Variants in DPF3 observed in about 807,000 individuals in gnomAD.
DPF3 encodes the protein zinc finger protein DPF3.
A neutral mutation model predicts 56.8 loss-of-function variants in DPF3; 18 were observed. The observed-to-expected ratio is 0.32, with a 90% CI of 0.22 to 0.47. The LOEUF (loss-of-function observed/expected upper bound fraction) is 0.47, where lower values mean the gene tolerates loss of function less well. DPF3 is among the 20% of genes least tolerant of loss of function. DPF3 has a pLI of 1.00. For synonymous variants in DPF3, 188 were observed against 180.2 expected (o/e 1.04, Z -0.35); for missense variants, 403 against 488.8 (o/e 0.82, Z 1.65).
chr14:72,801,766 A>G (rs555649117), intron 1 of DPF3, among the ~76,000 whole-genome samples: 14 of 152,170 alleles, frequency 9.2e-5, no homozygotes, highest in Non-Finnish European at 1.6e-4. Context: ...ACACACTTGG[A>G]TATGCTGTCC....
At chr14:72,833,646 A>G (rs1359955202) in intron 1 of DPF3, among the ~76,000 whole-genome samples, 1 of 152,202 alleles carries the variant, frequency 6.6e-6, no homozygotes, top group African/African-American at 2.4e-5. Context: ...GTAAAGACCT[A>G]GGCCTGCTTT....
chr14:72,860,470 C>A (rs111384182), intron 1 of DPF3, among the ~76,000 whole-genome samples: 191 of 152,302 alleles, frequency 1.3e-3, no homozygotes, highest in Non-Finnish European at 2.3e-3. Flanking sequence ...TAGTCATGAG[C>A]CACCACACCC....
At chr14:72,719,738 T>A (rs1889088172) in intron 5 of DPF3, among the ~76,000 whole-genome samples, 1 of 152,164 alleles carries the variant, frequency 6.6e-6, no homozygotes, top group South Asian at 2.1e-4. Flanking sequence ...CAAGAGTTAT[T>A]CCCTTTGCTT....
chr14:72,871,347 C>T (rs1455622894), intron 1 of DPF3, among the ~76,000 whole-genome samples: 1 of 152,184 alleles, frequency 6.6e-6, no homozygotes, highest in Admixed American at 6.5e-5. Context: ...TCAGCATTAA[C>T]CCAAAAGTCC....
At chr14:72,849,820 G>A (rs1207368144) in intron 1 of DPF3, among the ~76,000 whole-genome samples, 1 of 152,050 alleles carries the variant, frequency 6.6e-6, no homozygotes, top group East Asian at 1.9e-4. Context: ...TTTGAAAACT[G>A]AGTTAGCTAG....
In DPF3 at chr14:72,756,928, A is replaced by AAGAAAGAAAGAAAGAAAGAAG. The variant is rs1428028523; in HGVS notation, c.194-3558_194-3557insCTTCTTTCTTTCTTTCTTTCT. Among the ~76,000 whole-genome samples the AAGAAAGAAAGAAAGAAAGAAG allele has an allele frequency of 1.0e-3, 141 of 139,144 alleles. 2 individuals are homozygous for AAGAAAGAAAGAAAGAAAGAAG. Among genetic ancestry groups the AAGAAAGAAAGAAAGAAAGAAG allele is most frequent in the African/African-American group, 4.2e-3 (136 of 32,324 alleles). The allele number at this position is 139,144 out of a possible 152,430, so 91.3% of individuals were successfully genotyped here. A position where few individuals can be genotyped will look rare whatever the true frequency, so the allele number is the denominator to read the frequency against. ...AAAAAAAGAAAGAAAGAAAGAAAGAAAGAAGAGAAGAGAAGAGAAAGGGAG... is the reference window on the plus strand; with the variant it reads ...AAAAAAAGAAAGAAAGAAAGAAAGAAAGAAAGAAAGAAAGAAAGAAGAGAAGAGAAGAGAAGAGAAAGGGAG... On this transcript the variant is annotated intron_variant, in intron 2 of 10. Coordinates refer to ENST00000556509, the MANE Select transcript of DPF3 (RefSeq NM_001280542.3).
intron 8 of DPF3, among the ~76,000 whole-genome samples, chr14:72,664,605 C>T (rs1886369309): frequency 6.6e-6 from 1 of 151,780 alleles, no homozygotes. Flanking sequence ...TCTCCTTTAC[C>T]CCTCACCACC....
intron 2 of DPF3, among the ~76,000 whole-genome samples, chr14:72,754,828 G>T (rs1184573691): frequency 6.6e-6 from 1 of 152,168 alleles, no homozygotes; most frequent in African/African-American, 2.4e-5. Flanking sequence ...AGCATTAAAG[G>T]AACCAAAATA....
At chr14:72,873,241 C>A (rs1885972467) in intron 1 of DPF3, among the ~76,000 whole-genome samples, 2 of 150,632 alleles carry the variant, frequency 1.3e-5, no homozygotes, top group Non-Finnish European at 3.0e-5. Context: ...AAACAAACAA[C>A]CCCATCAACA....
At position 72,756,869 on chromosome 14, in the gene DPF3, A is replaced by AAAGAAAGAAAGAAAGAAAGAAAGG. The variant is rs1555503988; in HGVS notation, c.194-3499_194-3498insCCTTTCTTTCTTTCTTTCTTTCTT. Among the ~76,000 whole-genome samples, 8 of 95,686 alleles carry AAAGAAAGAAAGAAAGAAAGAAAGG rather than the reference A, an allele frequency of 8.4e-5. No homozygotes were observed. In the East Asian group the frequency reaches 9.0e-4, roughly 11 times the overall value. The allele number at this position is 95,686 out of a possible 152,430, so 62.8% of individuals were successfully genotyped here. A position where few individuals can be genotyped will look rare whatever the true frequency, so the allele number is the denominator to read the frequency against. ...GAAAGAAAGAAAGAAAGAAAGAAAG[A>AAAGAAAGAAAGAAAGAAAGAAAGG]AAGGAAGGAAAGAAGGAAAGAAAGA... On this transcript the variant is annotated intron_variant, in intron 2 of 10. Coordinates refer to ENST00000556509, the MANE Select transcript of DPF3 (RefSeq NM_001280542.3).
chr14:72,884,953 T>TATATATATATATACATATATATATAC (rs1555516752), intron 1 of DPF3, among the ~76,000 whole-genome samples: 2 of 73,780 alleles, frequency 2.7e-5, no homozygotes, highest in African/African-American at 4.0e-5. Flanking sequence ...TATATATATA[T>TATATATATATATACATATATATATAC]ATATATATAT....
At chr14:72,680,313 G>T (rs182932641) in intron 7 of DPF3, among the ~76,000 whole-genome samples, 13 of 152,370 alleles carry the variant, frequency 8.5e-5, no homozygotes, top group African/African-American at 2.9e-4. Flanking sequence ...AATAAAAAGT[G>T]TGGGGCTTTC....
chr14:72,637,434 G>T (rs958569072), intron 8 of DPF3, among the ~76,000 whole-genome samples: 6 of 152,178 alleles, frequency 3.9e-5, no homozygotes, highest in African/African-American at 1.4e-4. Context: ...TGCAGCTGAG[G>T]ATCAAAAATA....
intron 1 of DPF3, among the ~76,000 whole-genome samples, chr14:72,785,187 G>A (rs757590558): frequency 9.9e-5 from 15 of 152,140 alleles, no homozygotes; most frequent in African/African-American, 3.4e-4. Context: ...ATTTACAGAA[G>A]GATAACAGGA....
chr14:72,757,757 G>A (rs550301670), intron 2 of DPF3, among the ~76,000 whole-genome samples: 2 of 152,238 alleles, frequency 1.3e-5, no homozygotes, highest in South Asian at 4.1e-4. Flanking sequence ...CAAATACTAT[G>A]CCATTTTATA....
At chr14:72,831,214 C>A (rs1248243240) in intron 1 of DPF3, among the ~76,000 whole-genome samples, 1 of 152,078 alleles carries the variant, frequency 6.6e-6, no homozygotes, top group Non-Finnish European at 1.5e-5. Context: ...AAACGTGACG[C>A]GGGAGGGGAT....
chr14:72,828,088 A>G (rs1283323357), intron 1 of DPF3, among the ~76,000 whole-genome samples: 1 of 152,166 alleles, frequency 6.6e-6, no homozygotes, highest in African/African-American at 2.4e-5. Context: ...AAAAAATATT[A>G]TCTCATGTTC....
chr14:72,671,534 C>A, intron 8 of DPF3: 1 of 808,288 alleles, frequency 1.2e-6, no homozygotes, highest in South Asian at 1.3e-5. Flanking sequence ...GAGGCTTCCC[C>A]CACTCCCCGA....
chr14:72,689,671 T>C (rs996478791), intron 7 of DPF3, among the ~76,000 whole-genome samples: 1 of 151,736 alleles, frequency 6.6e-6, no homozygotes, highest in African/African-American at 2.4e-5. Flanking sequence ...CACAAGAAAA[T>C]AGTCGGGGGG....
Sources: allele counts gnomAD v4.1 joint callset (sites outside exome capture counted in the v4.1 genomes callset), GRCh38; gene constraint gnomAD v4.1.1; transcripts MANE v1.5; gene names NCBI Gene and HGNC (gene_info 2026-07-23, HGNC 2026-07-21).